FIGNL2: variants seen among roughly 807,000 people sequenced by gnomAD.
FIGNL2 encodes the protein fidgetin like 2.
For missense variants in FIGNL2, 1,060 were observed against 950.2 expected (o/e 1.12, Z -1.52); for synonymous variants, 565 against 484.0 (o/e 1.17, Z -2.20).
rs1212318837 is a variant in FIGNL2, at chr12:51,821,990, G to A, written c.424C>T (p.Pro142Ser). Residue 142 changes from proline (P) to serine (S), a missense_variant, in exon 2 of 2, where the codon CCC (proline) becomes TCC (serine). Physicochemically the swap from Pro to Ser is moderately conservative, Grantham distance 74. Transcript: ENST00000618634. ...CCGCACGCATTGCCGGCGTAGAGGGGTTCAGGGAGGTTCCCGGCTAAAACT... is the reference window on the plus strand; with the variant it reads ...CCGCACGCATTGCCGGCGTAGAGGGATTCAGGGAGGTTCCCGGCTAAAACT... ...SPVLAGNLPE[P>S]LYAGNACGGP... 1.1e-5 allele frequency: 18 copies of A among 1,581,362 alleles called. No individual in the cohort carries two copies. Among genetic ancestry groups the A allele is most frequent in the Admixed American group, 1.8e-5 (1 of 55,974 alleles).
At position 51,821,424 on chromosome 12, in the gene FIGNL2, G is replaced by C. The variant is rs370224074; in HGVS notation, c.990C>G (p.Leu330=). ...CGTAGACGGGGGAGCCCAGGACCTT[G>C]AGGGGGACGCCGCCACCGTACTTGC... ...ASGKYGGGVP[L]KVLGSPVYGP... The change falls in exon 2 of 2, where the codon CTC becomes CTG. Residue 330 remains leucine, a synonymous_variant. Coordinates refer to ENST00000618634, the MANE Select transcript of FIGNL2 (RefSeq NM_001384995.1). 33 of 1,538,902 alleles carry C rather than the reference G, an allele frequency of 2.1e-5. No homozygotes were observed. The African/African-American group carries it at 2.5e-4, about 12-fold the overall frequency.
chr12:51,827,814 T>A (rs1939375031), intron 1 of FIGNL2, among the ~76,000 whole-genome samples: 1 of 152,186 alleles, frequency 6.6e-6, no homozygotes, highest in South Asian at 2.1e-4. Context: ...AACCAGCGCC[T>A]GTTCTACGTT....
chr12:51,844,743 A>AG (rs1341361693), intron 1 of FIGNL2: 3 of 984,684 alleles, frequency 3.0e-6, no homozygotes, highest in African/African-American at 3.5e-5. Flanking sequence ...CTAAAAAAAA[A>AG]GCTGGACAGC....
Position 51,827,541 on chromosome 12 carries a change from T to TA in FIGNL2, c.-11-5118dup, listed in dbSNP as rs375385386. On this transcript the variant is annotated intron_variant, in intron 1 of 1. Transcript: ENST00000618634. The stretch of plus-strand genomic sequence containing the variant: ...GCACCCAGCCAATTTCTCCATTTGT[T>TA]AAAGGGCATAACGTATGTCATGTTG... Among the ~76,000 whole-genome samples, 364 of 152,260 alleles carry TA rather than the reference T, an allele frequency of 2.4e-3. 4 individuals carry two copies. The highest frequency in any genetic ancestry group is 8.4e-3 in the African/African-American group (347 of 41,542).
At chr12:51,828,480 A>G (rs1053600817) in intron 1 of FIGNL2, 1 of 152,218 alleles carries the variant, frequency 6.6e-6, no homozygotes, top group African/African-American at 2.4e-5. Context: ...GCAATCAATC[A>G]ATAGTTACGG....
At chr12:51,838,525 C>T (rs1939612993) in intron 1 of FIGNL2, among the ~76,000 whole-genome samples, 1 of 152,172 alleles carries the variant, frequency 6.6e-6, no homozygotes, top group African/African-American at 2.4e-5. Context: ...CCTCCCATGA[C>T]TCAGGTATTG....
chr12:51,848,209 C>G lies in FIGNL2; in HGVS notation c.-12+331G>C, dbSNP rs368946982. On this transcript the variant is annotated intron_variant, in intron 1 of 1. Transcript: ENST00000618634. The stretch of plus-strand genomic sequence containing the variant: ...AACCCGCAAACCTTGGCTCCCCACC[C>G]CCAGGCCAGCAGACGCCCCCGAGCC... 51 of 985,084 alleles carry G rather than the reference C, an allele frequency of 5.2e-5. No individual in the cohort carries two copies. The East Asian group carries it at 2.2e-3, about 42-fold the overall frequency. The allele number at this position is 985,084 out of a possible 1,614,324, so 61.0% of individuals were successfully genotyped here. A position where few individuals can be genotyped will look rare whatever the true frequency, so the allele number is the denominator to read the frequency against.
chr12:51,825,436 G>A (rs1233340020), intron 1 of FIGNL2, among the ~76,000 whole-genome samples: 1 of 151,846 alleles, frequency 6.6e-6, no homozygotes, highest in Admixed American at 6.6e-5. Flanking sequence ...ACCTCCACCC[G>A]CCAACGAAGA....
In FIGNL2 at chr12:51,838,406, G is replaced by C. The variant is rs1038245010; in HGVS notation, c.-12+10134C>G. ...CTGCTCCAGGTACCCCACCCCAATAGAGCCTGTACCCATTAGTAACCTGGG... is the reference window on the plus strand; with the variant it reads ...CTGCTCCAGGTACCCCACCCCAATACAGCCTGTACCCATTAGTAACCTGGG... On this transcript the variant is annotated intron_variant, in intron 1 of 1. Transcript: ENST00000618634. 4.6e-5 allele frequency among the ~76,000 whole-genome samples: 7 copies of C among 152,224 alleles called. No homozygotes were observed. In the South Asian group the frequency reaches 1.2e-3, roughly 27 times the overall value.
intron 1 of FIGNL2, among the ~76,000 whole-genome samples, chr12:51,836,290 G>T (rs982742399): frequency 6.6e-6 from 1 of 152,136 alleles, no homozygotes. Flanking sequence ...GGTAGGACAG[G>T]GCACTCTGTC....
Position 51,820,366 on chromosome 12 carries a change from AGCCG to A in FIGNL2, c.*82_*85del. The A allele has an allele frequency of 1.3e-6, 2 of 1,506,936 alleles. No homozygotes were observed. Among genetic ancestry groups the A allele is most frequent in the Non-Finnish European group, 1.8e-6 (2 of 1,130,850 alleles). The allele number at this position is 1,506,936 out of a possible 1,614,324, so 93.3% of individuals were successfully genotyped here. A position where few individuals can be genotyped will look rare whatever the true frequency, so the allele number is the denominator to read the frequency against. On this transcript the variant is annotated 3_prime_UTR_variant, in exon 2 of 2. Coordinates refer to ENST00000618634, the MANE Select transcript of FIGNL2 (RefSeq NM_001384995.1). ...CACATTCACCACTCCAGCCCCTGCCAGCCGGGTTTAGTCAGTGACATCCCTCCCA... is the reference window on the plus strand; with the variant it reads ...CACATTCACCACTCCAGCCCCTGCCAGGTTTAGTCAGTGACATCCCTCCCA...
chr12:51,831,079 A>G (rs11169919), intron 1 of FIGNL2, among the ~76,000 whole-genome samples: 6,029 of 152,264 alleles, frequency 0.04, 245 homozygotes, highest in South Asian at 0.14. Flanking sequence ...CTGGGATTAC[A>G]GGCGTGAGCA....
intron 1 of FIGNL2, among the ~76,000 whole-genome samples, chr12:51,834,575 G>A (rs905786445): frequency 9.2e-5 from 14 of 152,368 alleles, no homozygotes; most frequent in Admixed American, 2.6e-4. Flanking sequence ...GATGTGGTGA[G>A]GGGTGTGCTC....
intron 1 of FIGNL2, among the ~76,000 whole-genome samples, chr12:51,829,072 A>G (rs1939401389): frequency 6.6e-6 from 1 of 152,168 alleles, no homozygotes; most frequent in Admixed American, 6.5e-5. Flanking sequence ...CAGGGTAGGC[A>G]AGGAGGGGCA....
intron 1 of FIGNL2, among the ~76,000 whole-genome samples, chr12:51,832,312 C>T (rs570569117): frequency 2.0e-5 from 3 of 152,168 alleles, no homozygotes; most frequent in Non-Finnish European, 2.9e-5. Context: ...CCACTGTGCC[C>T]GGCCCCAAAA....
intron 1 of FIGNL2, among the ~76,000 whole-genome samples, chr12:51,843,050 A>G (rs303786): frequency 0.43 from 64,973 of 152,040 alleles, 14,179 homozygotes; most frequent in Middle Eastern, 0.5. Flanking sequence ...CTCCCTGGCC[A>G]TGTGGGAGGC....
rs1404656094 is a variant in FIGNL2, at chr12:51,822,217, T to C, written c.197A>G (p.Lys66Arg). ...GGGAGAATCCAAGACCCCAGAGTAC[T>C]TCTCTGCATAGCGCTTTAGGAGGTT... ...ASNLLKRYAEKYSGVLDSPYE... is the reference protein window; with the variant it reads ...ASNLLKRYAERYSGVLDSPYE... The change falls in exon 2 of 2, where the codon AAG becomes AGG. Residue 66 changes from lysine (K) to arginine (R), a missense_variant. Coordinates refer to ENST00000618634, the MANE Select transcript of FIGNL2 (RefSeq NM_001384995.1). The C allele has an allele frequency of 6.2e-7, 1 of 1,611,898 alleles. No homozygotes were observed.
At chr12:51,830,777 A>T (rs993851873) in intron 1 of FIGNL2, among the ~76,000 whole-genome samples, 1 of 151,922 alleles carries the variant, frequency 6.6e-6, no homozygotes, top group Non-Finnish European at 1.5e-5. Flanking sequence ...GGCATGAGCC[A>T]CCACACCCGG....
chr12:51,832,387 A>G (rs141599431), intron 1 of FIGNL2, among the ~76,000 whole-genome samples: 82 of 151,670 alleles, frequency 5.4e-4, no homozygotes, highest in South Asian at 5.2e-3. Flanking sequence ...TACCTTTTCT[A>G]TGCTACTGTT....
Sources: allele counts gnomAD v4.1 joint callset (sites outside exome capture counted in the v4.1 genomes callset), GRCh38; gene constraint gnomAD v4.1.1; transcripts MANE v1.5; gene names NCBI Gene and HGNC (gene_info 2026-07-23, HGNC 2026-07-21).